Variants in PGBD2 observed in about 807,000 individuals in gnomAD.
PGBD2 encodes piggyBac transposable element-derived protein 2.
PGBD2 carries 6 observed loss-of-function variants against 8.1 expected under a neutral mutation model. That is an observed-to-expected ratio of 0.74 (90% confidence interval 0.40 to 1.46). PGBD2 has a LOEUF of 1.46. Among genes scored for constraint, PGBD2 ranks in the 40% most tolerant of loss-of-function variants. The pLI is 0.02. For missense variants in PGBD2, 802 were observed against 739.0 expected (o/e 1.09, Z -0.99); for synonymous variants, 318 against 272.2 (o/e 1.17, Z -1.66).
chr1:248,876,219 G>A, the PGBD2 span, among the ~76,000 whole-genome samples: 1 of 152,050 alleles, frequency 6.6e-6, no homozygotes, highest in Non-Finnish European at 1.5e-5. Context: ...CATTGGCCAG[G>A]CTGTTCTCGA....
the PGBD2 span, among the ~76,000 whole-genome samples, chr1:248,883,611 A>T: frequency 9.0e-6 from 1 of 111,496 alleles, no homozygotes; most frequent in African/African-American, 3.9e-5. Flanking sequence ...TTTTTGAGAC[A>T]GAGTCTTGCT....
intron 1 of PGBD2, among the ~76,000 whole-genome samples, chr1:248,907,727 T>C (rs1661708884): frequency 6.6e-6 from 1 of 152,228 alleles, no homozygotes; most frequent in Non-Finnish European, 1.5e-5. Flanking sequence ...TAAACCTTGA[T>C]TCCATACAAC....
upstream of PGBD2, among the ~76,000 whole-genome samples, chr1:248,903,042 T>C (rs1324181856): frequency 6.6e-6 from 1 of 152,130 alleles, no homozygotes; most frequent in African/African-American, 2.4e-5. Context: ...ACAAGTTTTT[T>C]TGTAGAGATG....
the PGBD2 span, among the ~76,000 whole-genome samples, chr1:248,900,987 C>T: frequency 1.3e-5 from 2 of 152,070 alleles, no homozygotes; most frequent in African/African-American, 2.4e-5. Flanking sequence ...AACTCCCATT[C>T]GCAATGCCCA....
At chr1:248,885,428 C>A in the PGBD2 span, among the ~76,000 whole-genome samples, 1 of 151,912 alleles carries the variant, frequency 6.6e-6, no homozygotes, top group Non-Finnish European at 1.5e-5. Flanking sequence ...GGTGTGTGAC[C>A]CCATGCTCAG....
rs1430328411 is a variant in PGBD2 at position 248,917,423 on chromosome 1, G to T, written c.839G>T (p.Gly280Val). The change falls in exon 3 of 3, where the codon GGG (glycine) becomes GTG (valine). Residue 280 changes from glycine to valine, a missense_variant. Transcript: ENST00000329291. Reference sequence around the variant, plus strand: ...ATGTGTGAGTACTTTGGGCACCGGGGGTCCAAGCAGCTGCACAGGGGGAAG... The same window carrying T: ...ATGTGTGAGTACTTTGGGCACCGGGTGTCCAAGCAGCTGCACAGGGGGAAG... ...ESMCEYFGHR[G>V]SKQLHRGKPV... is the part of the protein sequence containing the mutation. 1.9e-6 allele frequency: 3 copies of T among 1,614,146 alleles called. No individual in the cohort carries two copies. Among genetic ancestry groups the T allele is most frequent in the Non-Finnish European group, 2.5e-6 (3 of 1,180,020 alleles).
chr1:248,914,733 T>C (rs1325062681), intron 2 of PGBD2, among the ~76,000 whole-genome samples: 1 of 152,202 alleles, frequency 6.6e-6, no homozygotes, highest in Non-Finnish European at 1.5e-5. Flanking sequence ...ACAGCCTAGA[T>C]ATGATTCCTC....
At chr1:248,900,289 A>G in the PGBD2 span, among the ~76,000 whole-genome samples, 14 of 152,266 alleles carry the variant, frequency 9.2e-5, no homozygotes, top group Middle Eastern at 3.4e-3. Context: ...AACAACAACA[A>G]AAAAACAGAA....
chr1:248,915,740 G>A (rs916061218), intron 2 of PGBD2, among the ~76,000 whole-genome samples: 1 of 152,194 alleles, frequency 6.6e-6, no homozygotes, highest in African/African-American at 2.4e-5. Context: ...CATACAGTAG[G>A]ATAACCGCAA....
At position 248,909,413 on chromosome 1, in the gene PGBD2, T is replaced by C. The variant is rs193257777; in HGVS notation, c.-48+3071T>C. ...TATATTTTAGTTAGGGTCAAGCATA[T>C]ATCAAGAGCTTCTGGTTCTTTTCTA... On this transcript the variant is annotated intron_variant, in intron 1 of 2. Transcript: ENST00000329291. Among the ~76,000 whole-genome samples, 14 of 152,332 alleles carry C rather than the reference T, an allele frequency of 9.2e-5. No individual in the cohort carries two copies. The East Asian group carries it at 2.3e-3, about 25-fold the overall frequency.
chr1:248,901,705 A>G (rs1558281610), upstream of PGBD2, among the ~76,000 whole-genome samples: 1 of 152,218 alleles, frequency 6.6e-6, no homozygotes, highest in Non-Finnish European at 1.5e-5. Flanking sequence ...CAAAAACGCC[A>G]AAAGCCATTG....
At chr1:248,895,828 C>T in the PGBD2 span, among the ~76,000 whole-genome samples, 1 of 151,968 alleles carries the variant, frequency 6.6e-6, no homozygotes, top group Non-Finnish European at 1.5e-5. Context: ...GCTGGGACTA[C>T]AGGCACGTGC....
the PGBD2 span, among the ~76,000 whole-genome samples, chr1:248,926,610 T>C: frequency 6.6e-6 from 1 of 152,358 alleles, no homozygotes; most frequent in East Asian, 1.9e-4. Context: ...AAATGCCTTT[T>C]GTTTGTTATT....
intron 1 of PGBD2, among the ~76,000 whole-genome samples, chr1:248,912,500 A>G (rs1007339708): frequency 6.6e-6 from 1 of 152,194 alleles, no homozygotes; most frequent in African/African-American, 2.4e-5. Flanking sequence ...ATGCATTGAC[A>G]TCGGTAAAAA....
intron 1 of PGBD2, among the ~76,000 whole-genome samples, chr1:248,911,575 T>G (rs562512607): frequency 7.2e-6 from 1 of 139,100 alleles, no homozygotes; most frequent in African/African-American, 3.2e-5. Flanking sequence ...CCTTTCCCCC[T>G]TTTCTATTCC....
At chr1:248,902,862 G>A (rs1383263074), upstream of PGBD2, among the ~76,000 whole-genome samples, 1 of 152,136 alleles carries the variant, frequency 6.6e-6, no homozygotes, top group East Asian at 1.9e-4. Flanking sequence ...GCCTGTCAGG[G>A]ACCTATGGGG....
Position 248,918,467 on chromosome 1 carries a change from T to C in PGBD2, c.*104T>C. On this transcript the variant is annotated 3_prime_UTR_variant, in exon 3 of 3. Coordinates refer to ENST00000329291, the MANE Select transcript of PGBD2 (RefSeq NM_170725.3). ...GTGTTGGAAAAAAGACCTGAATTTC[T>C]AATGACTTGATTTTCTATTTTCTCC... The C allele has an allele frequency of 8.5e-7, 1 of 1,173,116 alleles. No individual in the cohort carries two copies. Among genetic ancestry groups the C allele is most frequent in the East Asian group, 2.6e-5 (1 of 38,062 alleles). 72.7% of individuals were successfully genotyped at this position (1,173,116 alleles called of 1,614,324 possible). A position where few individuals can be genotyped will look rare whatever the true frequency, so the allele number is the denominator to read the frequency against.
chr1:248,878,597 C>G, the PGBD2 span, among the ~76,000 whole-genome samples: 5 of 152,218 alleles, frequency 3.3e-5, no homozygotes, highest in African/African-American at 1.2e-4. Flanking sequence ...GGAATGTGCT[C>G]GTTTTGTCTA....
the PGBD2 span, among the ~76,000 whole-genome samples, chr1:248,885,689 C>T: frequency 2.0e-5 from 3 of 152,324 alleles, no homozygotes; most frequent in South Asian, 6.2e-4. Flanking sequence ...ATAACCCCCA[C>T]ACTCATCCTG....
Sources: gnomAD v4.1 joint callset for allele counts (sites outside exome capture counted in the v4.1 genomes callset) on GRCh38, gnomAD v4.1.1 for gene constraint, MANE v1.5 for transcripts, NCBI Gene and HGNC (gene_info 2026-07-23, HGNC 2026-07-21) for gene names.